Variants in CCDC141 observed in about 807,000 individuals in gnomAD.
CCDC141 encodes the protein coiled-coil domain-containing protein 141.
Under a neutral mutation model 181.0 loss-of-function variants are expected in CCDC141, and 168 were observed. The ratio of observed to expected loss-of-function variants is 0.93; its 90% CI spans 0.82 to 1.05. The LOEUF (loss-of-function observed/expected upper bound fraction) is 1.05, where lower values mean the gene tolerates loss of function less well. CCDC141 is among the 50% of genes least tolerant of loss of function. CCDC141 has a pLI of 0.00. For synonymous variants in CCDC141, 666 were observed against 642.3 expected (o/e 1.04, Z -0.56); for missense variants, 1,902 against 1,788.5 (o/e 1.06, Z -1.14).
Position 178,918,895 on chromosome 2 carries a change from C to G in CCDC141, c.910G>C (p.Ala304Pro). 6.5e-7 allele frequency: 1 copy of G among 1,550,318 alleles called. No individual in the cohort carries two copies. The highest frequency in any genetic ancestry group is 8.7e-7 in the Non-Finnish European group (1 of 1,146,818). Reference protein sequence around the residue: ...LIIKAKEWNSAVEKLKSEALR... With the variant: ...LIIKAKEWNSPVEKLKSEALR... The stretch of plus-strand genomic sequence containing the variant: ...GCCTCACTCTTCAGCTTCTCAACAG[C>G]AGAATTCCATTCCTGCAAGAGATTA... Residue 304 changes from alanine to proline, a missense_variant, in exon 7 of 24, where the codon GCT becomes CCT. By Grantham distance (27) the Ala-to-Pro change is conservative (BLOSUM62 -1). Transcript: ENST00000443758.
At chr2:178,982,709 G>T (rs1691481827) in intron 2 of CCDC141, among the ~76,000 whole-genome samples, 1 of 152,198 alleles carries the variant, frequency 6.6e-6, no homozygotes, top group South Asian at 2.1e-4. Flanking sequence ...GTGACAGACG[G>T]CACCTGGAGA....
intron 8 of CCDC141, among the ~76,000 whole-genome samples, chr2:178,892,400 A>G (rs111408067): frequency 7.4e-4 from 113 of 152,032 alleles, no homozygotes; most frequent in African/African-American, 2.7e-3. Flanking sequence ...CCCTCTCTCT[A>G]TGCCCTTATA....
rs200301013 is a variant in CCDC141 at position 178,878,120 on chromosome 2, T to C, written c.1743A>G (p.Leu581=). The C allele has an allele frequency of 2.8e-5, 45 of 1,605,788 alleles. No homozygotes were observed. The South Asian group carries it at 4.8e-4, about 17-fold the overall frequency. The change falls in exon 12 of 24, where the codon TTA becomes TTG. Residue 581 remains leucine (L), a synonymous_variant. Coordinates refer to ENST00000443758, the MANE Select transcript of CCDC141 (RefSeq NM_173648.4). ...GGATTTCGGTTTCATAAAATTCTTT[T>C]AAGCTCTGAAACTGCATCTCTACCT... ...SEEVEMQFQS[L]KEFYETEIPQ...
chr2:178,895,736 T>C (rs1043116185), intron 8 of CCDC141, among the ~76,000 whole-genome samples: 4 of 152,212 alleles, frequency 2.6e-5, no homozygotes, highest in Non-Finnish European at 5.9e-5. Context: ...TAAATTTCAC[T>C]ATCTGACATT....
At chr2:178,888,011 C>T (rs145031780) in intron 9 of CCDC141, among the ~76,000 whole-genome samples, 1 of 152,314 alleles carries the variant, frequency 6.6e-6, no homozygotes, top group Non-Finnish European at 1.5e-5. Context: ...AGGATTTTCA[C>T]ATGTATGTTT....
At position 179,047,276 on chromosome 2, in the gene CCDC141, T is replaced by C. The variant is rs771875644; in HGVS notation, c.225+8A>G. ...ATTTTGTTTCTGCTTCACATCTTAG[T>C]ATCTTACCTTGAGCTTGGCCAAAAG... On this transcript the variant is annotated splice_region_variant and intron_variant, in intron 2 of 23. Coordinates refer to ENST00000443758, the MANE Select transcript of CCDC141 (RefSeq NM_173648.4). 1.1e-5 allele frequency: 17 copies of C among 1,516,494 alleles called. No homozygotes were observed. In the African/African-American group the frequency reaches 2.1e-4, roughly 19 times the overall value. The allele number at this position is 1,516,494 out of a possible 1,614,324, so 93.9% of individuals were successfully genotyped here. A position where few individuals can be genotyped will look rare whatever the true frequency, so the allele number is the denominator to read the frequency against.
At chr2:178,898,400 T>C (rs1687515068) in intron 8 of CCDC141, among the ~76,000 whole-genome samples, 1 of 152,150 alleles carries the variant, frequency 6.6e-6, no homozygotes, top group African/African-American at 2.4e-5. Context: ...ACTTCTTTCT[T>C]TTATATATTA....
At chr2:179,013,403 A>C (rs2042327973) in intron 2 of CCDC141, among the ~76,000 whole-genome samples, 1 of 152,288 alleles carries the variant, frequency 6.6e-6, no homozygotes, top group Non-Finnish European at 1.5e-5. Flanking sequence ...GAATATACCA[A>C]CCAAGGAGTC....
chr2:179,019,311 C>T (rs1307415812), intron 2 of CCDC141, among the ~76,000 whole-genome samples: 1 of 152,010 alleles, frequency 6.6e-6, no homozygotes, highest in South Asian at 2.1e-4. Context: ...AGTGAAGCAC[C>T]TTTATATTTA....
chr2:179,014,918 T>A (rs192678844), intron 2 of CCDC141, among the ~76,000 whole-genome samples: 6 of 151,536 alleles, frequency 4.0e-5, no homozygotes, highest in Admixed American at 3.9e-4. Context: ...ATTCCACTAC[T>A]GGGTATCTAC....
At chr2:178,864,684 G>A (rs953515545) in intron 17 of CCDC141, among the ~76,000 whole-genome samples, 7 of 152,174 alleles carry the variant, frequency 4.6e-5, no homozygotes, top group Non-Finnish European at 5.9e-5. Context: ...CCTGTGGTCT[G>A]TAAATGTGTG....
intron 2 of CCDC141, among the ~76,000 whole-genome samples, chr2:178,998,768 T>C (rs1206148011): frequency 6.6e-6 from 1 of 152,148 alleles, no homozygotes; most frequent in Admixed American, 6.5e-5. Flanking sequence ...TGTTTCAGGA[T>C]ATCACGGTCT....
chr2:179,008,974 T>G (rs2042188346), intron 2 of CCDC141, among the ~76,000 whole-genome samples: 1 of 152,204 alleles, frequency 6.6e-6, no homozygotes, highest in Admixed American at 6.5e-5. Context: ...AGCCACTGCC[T>G]ACTTGTCCAT....
Position 178,944,548 on chromosome 2 carries a change from A to T in CCDC141, c.884T>A (p.Ile295Lys), listed in dbSNP as rs1247852124. The T allele has an allele frequency of 6.7e-7, 1 of 1,493,988 alleles. No individual in the cohort carries two copies. Among genetic ancestry groups the T allele is most frequent in the South Asian group, 1.3e-5 (1 of 77,904 alleles). The allele number at this position is 1,493,988 out of a possible 1,614,324, so 92.5% of individuals were successfully genotyped here. A position where few individuals can be genotyped will look rare whatever the true frequency, so the allele number is the denominator to read the frequency against. Residue 295 changes from isoleucine (I) to lysine (K), a missense_variant, in exon 6 of 24, where the codon ATA becomes AAA. Physicochemically the swap from Ile to Lys is moderately radical, Grantham distance 102 (BLOSUM62 -3). Coordinates refer to ENST00000443758, the MANE Select transcript of CCDC141 (RefSeq NM_173648.4). ...TATATCTCTTACCTTTGCTTTTATT[A>T]TCAGTTCCTCTTGCTTATGAATTCG... Reference protein sequence around the residue: ...EDRIHKQEELIIKAKEWNSAV... With the variant: ...EDRIHKQEELKIKAKEWNSAV...
chr2:179,014,913 A>T (rs937650540), intron 2 of CCDC141, among the ~76,000 whole-genome samples: 12 of 151,606 alleles, frequency 7.9e-5, no homozygotes, highest in African/African-American at 2.9e-4. Flanking sequence ...CAGCAATTCC[A>T]CTACTGGGTA....
At chr2:178,840,228 C>G (rs554080447) in intron 22 of CCDC141, among the ~76,000 whole-genome samples, 2 of 152,292 alleles carry the variant, frequency 1.3e-5, no homozygotes, top group Admixed American at 1.3e-4. Flanking sequence ...TCTCTCTCAT[C>G]ATCTTGGTCA....
chr2:178,878,968 A>T (rs1266667081), intron 11 of CCDC141, among the ~76,000 whole-genome samples: 1 of 152,220 alleles, frequency 6.6e-6, no homozygotes, highest in Non-Finnish European at 1.5e-5. Flanking sequence ...ATAAACCAGA[A>T]TAAAAAAGTA....
chr2:178,877,009 T>G (rs778361787), intron 12 of CCDC141: 1 of 152,152 alleles, frequency 6.6e-6, no homozygotes, highest in Non-Finnish European at 1.5e-5. Flanking sequence ...TTAGCATAAT[T>G]GTAGGTCTCA....
rs1203687981 is a variant in CCDC141 at position 178,978,567 on chromosome 2, C to T, written c.334G>A (p.Ala112Thr). The T allele has an allele frequency of 6.5e-7, 1 of 1,550,002 alleles. No homozygotes were observed. Among genetic ancestry groups the T allele is most frequent in the East Asian group, 2.4e-5 (1 of 40,880 alleles). The part of the protein sequence containing the change: ...YDAMAETLGE[A>T]WAALVSMLER... Reference sequence around the variant, plus strand: ...AGCATGGACACCAGAGCTGCCCATGCTTCACCCAGAGTCTCGGCCATGGCA... The same window carrying T: ...AGCATGGACACCAGAGCTGCCCATGTTTCACCCAGAGTCTCGGCCATGGCA... Residue 112 changes from alanine (A) to threonine (T), a missense_variant, in exon 3 of 24, where the codon GCA becomes ACA. Physicochemically the swap from Ala to Thr is moderately conservative, Grantham distance 58. Coordinates refer to ENST00000443758, the MANE Select transcript of CCDC141 (RefSeq NM_173648.4).
Sources: allele counts gnomAD v4.1 joint callset (sites outside exome capture counted in the v4.1 genomes callset), GRCh38; gene constraint gnomAD v4.1.1; transcripts MANE v1.5; gene names NCBI Gene and HGNC (gene_info 2026-07-23, HGNC 2026-07-21).